The following TECR variants were observed in gnomAD, a reference collection of about 807,000 sequenced individuals.
TECR encodes trans-2,3-enoyl-CoA reductase.
Under a neutral mutation model 50.6 loss-of-function variants are expected in TECR, and 19 were observed. The observed-to-expected ratio is 0.38, with a 90% CI of 0.26 to 0.55. TECR has a LOEUF of 0.55. Ranked by LOEUF, TECR falls within the 20% of genes least tolerant of loss-of-function variation. TECR has a pLI of 0.79. For missense variants in TECR, 313 were observed against 408.3 expected (o/e 0.77, Z 2.01); for synonymous variants, 168 against 163.5 (o/e 1.03, Z -0.21).
intron 1 of TECR, chr19:14,531,326 T>C (rs4926124): frequency 0.56 from 84,739 of 152,032 alleles, 25,450 homozygotes; most frequent in African/African-American, 0.79. Flanking sequence ...TGTGAGCTAG[T>C]GCGCCCGGCT....
At chr19:14,538,536 CTT>C (rs5827232) in intron 1 of TECR, among the ~76,000 whole-genome samples, 289 of 136,718 alleles carry the variant, frequency 2.1e-3, no homozygotes, top group Middle Eastern at 3.7e-3. Flanking sequence ...TCTTTTTTTT[CTT>C]TTTTTTTTTT....
chr19:14,565,640 C>T lies in TECR; in HGVS notation c.776C>T (p.Ala259Val), dbSNP rs760415972. The change falls in exon 12 of 13, where the codon GCC (alanine) becomes GTC (valine). Residue 259 changes from alanine to valine, a missense_variant. Coordinates refer to ENST00000215567, the MANE Select transcript of TECR (RefSeq NM_138501.6). ...TYEVGSWIGF[A>V]IMTQCLPVAL... ...CAGGTGGGGTCCTGGATCGGTTTCG[C>T]CATCATGACGCAGTGTCTCCCAGGT... The T allele has an allele frequency of 1.9e-6, 3 of 1,612,456 alleles. No homozygotes were observed. Among genetic ancestry groups the T allele is most frequent in the South Asian group, 2.2e-5 (2 of 91,020 alleles).
chr19:14,542,346 T>TG (rs1248701731), intron 1 of TECR, among the ~76,000 whole-genome samples: 2 of 104,924 alleles, frequency 1.9e-5, no homozygotes, highest in African/African-American at 8.0e-5. Context: ...CATGCCATAG[T>TG]GTTTTTTTTT....
intron 1 of TECR, among the ~76,000 whole-genome samples, chr19:14,534,250 G>T (rs1186896156): frequency 3.4e-5 from 5 of 145,624 alleles, no homozygotes; most frequent in Middle Eastern, 7.9e-3. Context: ...TCAGCCTCCC[G>T]AGTAGCTGGA....
intron 1 of TECR, chr19:14,530,835 T>C (rs910861855): frequency 6.6e-6 from 1 of 152,186 alleles, no homozygotes; most frequent in Non-Finnish European, 1.5e-5. Context: ...TTCAGTGGCA[T>C]TAAGAACATT....
At chr19:14,556,375 T>A (rs146769241) in intron 1 of TECR, among the ~76,000 whole-genome samples, 149 of 151,768 alleles carry the variant, frequency 9.8e-4, no homozygotes, top group African/African-American at 3.4e-3. Context: ...ATCGCGCCAC[T>A]GCATTCCAGC....
At chr19:14,560,822 G>T (rs1291679965) in intron 1 of TECR, among the ~76,000 whole-genome samples, 2 of 152,182 alleles carry the variant, frequency 1.3e-5, no homozygotes, top group Admixed American at 6.5e-5. Flanking sequence ...GCCAGCAGGG[G>T]AGTGGGGATC....
intron 1 of TECR, chr19:14,562,139 T>G (rs2073920686): frequency 1.8e-6 from 1 of 561,512 alleles, no homozygotes; most frequent in South Asian, 2.2e-5. Flanking sequence ...GCATGGCTCC[T>G]GGGGGGCGCA....
rs575708587 is a variant in TECR at position 14,531,301 on chromosome 19, T to G, written c.15+1590T>G. The G allele has an allele frequency of 2.6e-5, 4 of 152,234 alleles. No individual in the cohort carries two copies. In the East Asian group the frequency reaches 7.7e-4, roughly 29 times the overall value. The allele number at this position is 152,234 out of a possible 1,614,324, so 9.4% of individuals were successfully genotyped here. Reference sequence around the variant, plus strand: ...ATTTGCCCTCCTCGGCCTCCCAAAGTACTGGGATTACAGGTGTGAGCTAGT... The same window carrying G: ...ATTTGCCCTCCTCGGCCTCCCAAAGGACTGGGATTACAGGTGTGAGCTAGT... On this transcript the variant is annotated intron_variant, in intron 1 of 12. Coordinates refer to ENST00000215567, the MANE Select transcript of TECR (RefSeq NM_138501.6).
At chr19:14,565,692 C>T in intron 12 of TECR, 29 bp downstream of exon 12, 1 of 1,611,692 alleles carries the variant, frequency 6.2e-7, no homozygotes, top group South Asian at 1.1e-5. Flanking sequence ...CTCGGCGGGG[C>T]CCTGCCCCTC....
At chr19:14,544,748 C>T (rs201986113) in intron 1 of TECR, among the ~76,000 whole-genome samples, 1 of 151,774 alleles carries the variant, frequency 6.6e-6, no homozygotes, top group African/African-American at 2.4e-5. Flanking sequence ...TTCTTGTGCC[C>T]CGGCCTCCCA....
chr19:14,556,619 T>C (rs1423442600), intron 1 of TECR, among the ~76,000 whole-genome samples: 2 of 151,968 alleles, frequency 1.3e-5, no homozygotes, highest in Non-Finnish European at 1.5e-5. Context: ...GAACAGTGCC[T>C]GGGGTATGGG....
intron 1 of TECR, among the ~76,000 whole-genome samples, chr19:14,551,959 CT>C: frequency 8.3e-6 from 1 of 120,334 alleles, no homozygotes; most frequent in Non-Finnish European, 1.7e-5. Flanking sequence ...CTCTCTCTCT[CT>C]CTCTCTCTCT....
intron 1 of TECR, among the ~76,000 whole-genome samples, chr19:14,556,609 G>T (rs2073734614): frequency 6.6e-6 from 1 of 152,098 alleles, no homozygotes; most frequent in African/African-American, 2.4e-5. Flanking sequence ...CCAGGAACTG[G>T]AACAGTGCCT....
intron 1 of TECR, among the ~76,000 whole-genome samples, chr19:14,557,113 T>TTTATTTA (rs2073753179): frequency 1.4e-5 from 1 of 69,672 alleles, no homozygotes; most frequent in Non-Finnish European, 3.2e-5. Context: ...GTTGGTCTAA[T>TTTATTTA]CTTATTTATT....
rs563137112 is a variant in TECR at position 14,545,870 on chromosome 19, A to G, written c.15+16159A>G. 2.6e-5 allele frequency: 4 copies of G among 152,876 alleles called. No homozygotes were observed. The East Asian group carries it at 5.8e-4, about 22-fold the overall frequency. The allele number at this position is 152,876 out of a possible 1,614,324, so 9.5% of individuals were successfully genotyped here. ...CTGCTGTCCCCGAGGAGCATCGGAA[A>G]TGGGTCACAACGCAGCAGGTAACCG... On this transcript the variant is annotated intron_variant, in intron 1 of 12. Coordinates refer to ENST00000215567, the MANE Select transcript of TECR (RefSeq NM_138501.6).
intron 11 of TECR, 148 bp from the exon 12 acceptor site, chr19:14,565,470 C>G: frequency 7.2e-7 from 1 of 1,385,790 alleles, no homozygotes; most frequent in Non-Finnish European, 9.9e-7. Context: ...GCTGGGCTTC[C>G]GCCGTATACA....
intron 1 of TECR, among the ~76,000 whole-genome samples, chr19:14,553,248 C>T (rs770687126): frequency 5.3e-5 from 8 of 152,276 alleles, no homozygotes; most frequent in East Asian, 3.9e-4. Context: ...CCCGGGCTAC[C>T]GCTGCCTCTG....
At chr19:14,538,542 T>A (rs1168765696) in intron 1 of TECR, among the ~76,000 whole-genome samples, 1 of 151,382 alleles carries the variant, frequency 6.6e-6, no homozygotes, top group African/African-American at 2.4e-5. Flanking sequence ...TTTTCTTTTT[T>A]TTTTTTTTTG....
Sources: allele counts gnomAD v4.1 joint callset (sites outside exome capture counted in the v4.1 genomes callset), GRCh38; gene constraint gnomAD v4.1.1; transcripts MANE v1.5; gene names NCBI Gene and HGNC (gene_info 2026-07-23, HGNC 2026-07-21).